SH3RF1: variants seen among roughly 807,000 people sequenced by gnomAD.
SH3RF1 encodes SH3 domain containing ring finger 1.
Under a neutral mutation model 74.0 loss-of-function variants are expected in SH3RF1, and 32 were observed. The ratio of observed to expected loss-of-function variants is 0.43; its 90% CI spans 0.33 to 0.58. The LOEUF is 0.58. SH3RF1 is among the 20% of genes least tolerant of loss of function. SH3RF1 has a pLI of 0.05. For synonymous variants in SH3RF1, 396 were observed against 439.6 expected, an observed-to-expected ratio of 0.90 and a Z score of 1.24; for missense variants, 954 against 1,130.9, an observed-to-expected ratio of 0.84 and a Z score of 2.24.
rs60868577 is a variant in SH3RF1, at chr4:169,104,492, T to G, written c.2498+2355A>C. Among the ~76,000 whole-genome samples, 904 of 152,308 alleles carry G rather than the reference T, an allele frequency of 5.9e-3. 16 individuals carry two copies. The highest frequency in any genetic ancestry group is 0.021 in the African/African-American group (873 of 41,556). ...AGAGCACAACAGATGAGAGGAAAGA[T>G]AAAATGATTTCATTTGTAGGGAGAG... is the stretch of plus-strand genomic sequence containing the variant. On this transcript the variant is annotated intron_variant, in intron 11 of 11. Transcript: ENST00000284637.
chr4:169,215,519 G>A (rs553849276), intron 2 of SH3RF1, among the ~76,000 whole-genome samples: 1 of 152,110 alleles, frequency 6.6e-6, no homozygotes, highest in Non-Finnish European at 1.5e-5. Flanking sequence ...GTAGAGAGTT[G>A]GTATAATTTC....
At chr4:169,244,913 C>T (rs549866708) in intron 2 of SH3RF1, among the ~76,000 whole-genome samples, 10 of 152,206 alleles carry the variant, frequency 6.6e-5, no homozygotes, top group Admixed American at 2.0e-4. Flanking sequence ...AATACAAGTC[C>T]AGTTTTTAGA....
chr4:169,174,525 A>C (rs1310560198), intron 2 of SH3RF1, among the ~76,000 whole-genome samples: 1 of 152,172 alleles, frequency 6.6e-6, no homozygotes, highest in African/African-American at 2.4e-5. Context: ...ACTTTGAGTA[A>C]AAGGGGAATC....
At position 169,187,000 on chromosome 4, in the gene SH3RF1, G is replaced by A. The variant is rs538446624; in HGVS notation, c.394-30321C>T. Among the ~76,000 whole-genome samples, 303 of 139,508 alleles carry A rather than the reference G, an allele frequency of 2.2e-3. 1 individual carries two copies. The highest frequency in any genetic ancestry group is 0.011 in the South Asian group (48 of 4,196). 91.5% of individuals were successfully genotyped at this position (139,508 alleles called of 152,430 possible). On this transcript the variant is annotated intron_variant, in intron 2 of 11. Coordinates refer to ENST00000284637, the MANE Select transcript of SH3RF1 (RefSeq NM_020870.4). ...CTGCACTCCAGCCTGGGGACAGAGC[G>A]AGGCTCCATCGCAAAAAAAAAAAAA...
At chr4:169,130,352 T>C (rs1471545328) in intron 5 of SH3RF1, among the ~76,000 whole-genome samples, 196 bp from the exon 6 acceptor site, 1 of 151,972 alleles carries the variant, frequency 6.6e-6, no homozygotes, top group Admixed American at 6.6e-5. Context: ...TTTTACTAGA[T>C]GCTGGGGAGT....
chr4:169,218,300 T>C (rs1029482423), intron 2 of SH3RF1, among the ~76,000 whole-genome samples: 187 of 107,152 alleles, frequency 1.7e-3, no homozygotes, highest in African/African-American at 4.7e-3. Context: ...ATATATAATA[T>C]AAATATAGAA....
At chr4:169,129,814 GTTC>G (rs1733582876) in intron 6 of SH3RF1, among the ~76,000 whole-genome samples, 2 of 152,176 alleles carry the variant, frequency 1.3e-5, no homozygotes, top group African/African-American at 4.8e-5. Flanking sequence ...GTATTTTTGA[GTTC>G]TTCTAATAGC....
chr4:169,130,358 G>C (rs912648819), intron 5 of SH3RF1, among the ~76,000 whole-genome samples: 4 of 151,930 alleles, frequency 2.6e-5, no homozygotes, highest in African/African-American at 9.7e-5. Flanking sequence ...TAGATGCTGG[G>C]GAGTGATGTG....
intron 2 of SH3RF1, among the ~76,000 whole-genome samples, chr4:169,245,790 GTAAGTAATTTT>G (rs1053061466): frequency 6.6e-6 from 1 of 152,190 alleles, no homozygotes; most frequent in Non-Finnish European, 1.5e-5. Context: ...AATGTAATTT[GTAAGTAATTTT>G]TAATGTTACC....
rs1734056783 is a variant in SH3RF1, at chr4:169,156,497, T to C, written c.576A>G (p.Lys192=). The C allele has an allele frequency of 6.2e-7, 1 of 1,613,910 alleles. No individual in the cohort carries two copies. The change falls in exon 3 of 12, where the codon AAA becomes AAG. Residue 192 remains lysine, a synonymous_variant. Coordinates refer to ENST00000284637, the MANE Select transcript of SH3RF1 (RefSeq NM_020870.4). The part of the protein sequence containing the change: ...FFPTNFVQII[K]PLPQPPPQCK... ...ACTGAGGTGGGGGCTGAGGTAACGG[T>C]TTAATAATCTGCACAAAGTTGGTGG...
At chr4:169,268,748 A>C (rs1731394684) in intron 2 of SH3RF1, 72 bp downstream of exon 2, 1 of 1,487,962 alleles carries the variant, frequency 6.7e-7, no homozygotes, top group East Asian at 2.3e-5. Context: ...CGAAAACACC[A>C]AGCTAAAGAA....
At chr4:169,168,115 G>A (rs1488470218) in intron 2 of SH3RF1, among the ~76,000 whole-genome samples, 1 of 152,104 alleles carries the variant, frequency 6.6e-6, no homozygotes, top group African/African-American at 2.4e-5. Context: ...AGTCCAGCCT[G>A]GGCAACAGAG....
At chr4:169,112,801 A>C (rs1733263296) in intron 10 of SH3RF1, among the ~76,000 whole-genome samples, 1 of 152,238 alleles carries the variant, frequency 6.6e-6, no homozygotes, top group Admixed American at 6.5e-5. Context: ...GAGCTCTTTT[A>C]AAGTTATGTT....
At position 169,136,576 on chromosome 4, in the gene SH3RF1, A is replaced by G; in HGVS notation, c.810T>C (p.Pro270=). ...ATTCTCCAGCATCAACTCCTGGCAC[A>G]GGAGGCTTATCCCATTCTATCAGCT... The part of the protein sequence containing the change: ...AKQLIEWDKP[P]VPGVDAGECS... The change falls in exon 5 of 12, where the codon CCT becomes CCC. Residue 270 remains proline (P), a synonymous_variant. Coordinates refer to ENST00000284637, the MANE Select transcript of SH3RF1 (RefSeq NM_020870.4). 5.0e-6 allele frequency: 8 copies of G among 1,591,760 alleles called. No individual in the cohort carries two copies. The highest frequency in any genetic ancestry group is 6.8e-6 in the Non-Finnish European group (8 of 1,169,980).
chr4:169,226,191 G>C (rs1263576883), intron 2 of SH3RF1, among the ~76,000 whole-genome samples: 2 of 152,136 alleles, frequency 1.3e-5, no homozygotes, highest in Non-Finnish European at 2.9e-5. Context: ...AGGTGGATAA[G>C]TACCTTTGGT....
intron 5 of SH3RF1, among the ~76,000 whole-genome samples, chr4:169,135,754 G>A (rs565078025): frequency 1.3e-5 from 2 of 152,260 alleles, no homozygotes; most frequent in South Asian, 2.1e-4. Context: ...AGAATAACGC[G>A]TGGCTATTTT....
chr4:169,160,791 T>C (rs368971876), intron 2 of SH3RF1, among the ~76,000 whole-genome samples: 15 of 152,330 alleles, frequency 9.8e-5, no homozygotes, highest in African/African-American at 3.4e-4. Context: ...AGACTGCAGA[T>C]GATTAAGGAT....
At chr4:169,266,433 G>A (rs1731355438) in intron 2 of SH3RF1, among the ~76,000 whole-genome samples, 1 of 152,164 alleles carries the variant, frequency 6.6e-6, no homozygotes, top group Non-Finnish European at 1.5e-5. Flanking sequence ...AGCGTCCAAA[G>A]AAGTGCCTTA....
chr4:169,224,391 C>G (rs966626640), intron 2 of SH3RF1, among the ~76,000 whole-genome samples: 8 of 150,928 alleles, frequency 5.3e-5, no homozygotes, highest in African/African-American at 1.9e-4. Flanking sequence ...GATCTTGGCT[C>G]ACTGCAACCT....
Sources: allele counts gnomAD v4.1 joint callset (sites outside exome capture counted in the v4.1 genomes callset), GRCh38; gene constraint gnomAD v4.1.1; transcripts MANE v1.5; gene names NCBI Gene and HGNC (gene_info 2026-07-23, HGNC 2026-07-21).